Variants in DNAH7 observed in about 807,000 individuals in gnomAD.
The protein encoded by DNAH7 is axonemal beta dynein heavy chain 7.
Under a neutral mutation model 444.6 loss-of-function variants are expected in DNAH7, and 397 were observed. That is an observed-to-expected ratio of 0.89 (90% CI 0.82 to 0.97). DNAH7 has a LOEUF of 0.97. DNAH7 is among the 50% of genes least tolerant of loss of function. DNAH7 has a pLI of 0.00. For synonymous variants in DNAH7, 1,636 were observed against 1,624.4 expected (o/e 1.01, Z -0.17); for missense variants, 4,902 against 4,800.8 (o/e 1.02, Z -0.62).
At chr2:195,760,092 C>T (rs1178390370) in intron 61 of DNAH7, among the ~76,000 whole-genome samples, 1 of 152,190 alleles carries the variant, frequency 6.6e-6, no homozygotes, top group East Asian at 1.9e-4. Flanking sequence ...ACCCCTTGGG[C>T]CTTGAGTAAG....
At chr2:195,767,249 G>A (rs1270206853) in intron 61 of DNAH7, among the ~76,000 whole-genome samples, 1 of 151,906 alleles carries the variant, frequency 6.6e-6, no homozygotes, top group Non-Finnish European at 1.5e-5. Flanking sequence ...TTGTGCTTTT[G>A]TTATTCATTA....
chr2:195,812,769 CAT>C (rs1277867449), intron 51 of DNAH7, among the ~76,000 whole-genome samples: 9 of 152,308 alleles, frequency 5.9e-5, no homozygotes, highest in African/African-American at 2.2e-4. Context: ...TTAATAGTCA[CAT>C]GTTTTCTATG....
chr2:196,045,444 T>C (rs1428420896), intron 5 of DNAH7, among the ~76,000 whole-genome samples: 3 of 150,218 alleles, frequency 2.0e-5, no homozygotes, highest in Non-Finnish European at 4.4e-5. Flanking sequence ...AAAAAGAAAA[T>C]GAACCCAGAA....
intron 17 of DNAH7, among the ~76,000 whole-genome samples, chr2:195,967,992 A>G (rs1322188009): frequency 1.3e-5 from 2 of 152,080 alleles, no homozygotes; most frequent in Non-Finnish European, 2.9e-5. Context: ...TGCTGCTGCC[A>G]CCACTGGCCC....
Position 195,928,030 on chromosome 2 carries a change from A to ATATTGCACCAAGGTAGTGG in DNAH7, c.3472-1465_3472-1464insCCACTACCTTGGTGCAATA, listed in dbSNP as rs1280141487. ...ATGGGCATATTGCACCAAGGTAGTG[A>ATATTGCACCAAGGTAGTGG]GCATAGTGCCCAATAGTTAGTTTTT... On this transcript the variant is annotated intron_variant, in intron 21 of 64. Transcript: ENST00000312428. Among the ~76,000 whole-genome samples the ATATTGCACCAAGGTAGTGG allele has an allele frequency of 1.3e-5, 2 of 152,090 alleles. 1 individual carries two copies. Among genetic ancestry groups the ATATTGCACCAAGGTAGTGG allele is most frequent in the African/African-American group, 4.8e-5 (2 of 41,420 alleles).
intron 51 of DNAH7, among the ~76,000 whole-genome samples, chr2:195,812,697 AAAG>A (rs1351138838): frequency 6.6e-6 from 1 of 152,206 alleles, no homozygotes; most frequent in Non-Finnish European, 1.5e-5. Flanking sequence ...CCCTAAATAA[AAAG>A]AAATGAGAAA....
intron 57 of DNAH7, among the ~76,000 whole-genome samples, chr2:195,791,336 G>A (rs938379023): frequency 1.1e-4 from 17 of 150,566 alleles, no homozygotes; most frequent in African/African-American, 3.2e-4. Flanking sequence ...GCGAGGTGGC[G>A]GGCGCCTGTA....
At chr2:196,025,864 A>G (rs1464720761) in intron 7 of DNAH7, among the ~76,000 whole-genome samples, 1 of 152,084 alleles carries the variant, frequency 6.6e-6, no homozygotes, top group East Asian at 1.9e-4. Flanking sequence ...AAGCATTATT[A>G]TTTCTCCAAT....
chr2:195,778,072 C>T, intron 58 of DNAH7, 87 bp from the exon 59 acceptor site: 1 of 1,278,522 alleles, frequency 7.8e-7, no homozygotes, highest in Non-Finnish European at 1.0e-6. Flanking sequence ...CTAAATTAAA[C>T]ATCTTACAAA....
Position 195,895,371 on chromosome 2 carries a change from C to T in DNAH7, c.4648-147G>A, listed in dbSNP as rs1559196902. The T allele has an allele frequency of 9.7e-6, 5 of 516,464 alleles. No homozygotes were observed. The East Asian group carries it at 1.4e-4, about 14-fold the overall frequency. The allele number at this position is 516,464 out of a possible 1,614,324, so 32.0% of individuals were successfully genotyped here. A position where few individuals can be genotyped will look rare whatever the true frequency, so the allele number is the denominator to read the frequency against. ...TAGAGGAATAGTTCACATACGCAAA[C>T]GTGTATTTTTTTCTTTTTTTCAATT... On this transcript the variant is annotated intron_variant, in intron 29 of 64. Transcript: ENST00000312428.
intron 63 of DNAH7, among the ~76,000 whole-genome samples, chr2:195,744,307 G>C (rs1559065619): frequency 6.6e-6 from 1 of 152,212 alleles, no homozygotes; most frequent in African/African-American, 2.4e-5. Flanking sequence ...AGTGAGGCTG[G>C]GGGAGGGGCG....
intron 58 of DNAH7, among the ~76,000 whole-genome samples, chr2:195,785,415 C>G (rs564141617): frequency 6.6e-6 from 1 of 151,612 alleles, no homozygotes; most frequent in African/African-American, 2.4e-5. Context: ...TTAGCTAGGA[C>G]TTCTAGTACA....
intron 40 of DNAH7, among the ~76,000 whole-genome samples, 162 bp downstream of exon 40, chr2:195,872,088 T>C (rs1189499234): frequency 6.6e-6 from 1 of 152,122 alleles, no homozygotes; most frequent in African/African-American, 2.4e-5. Flanking sequence ...AATATCTCAG[T>C]GTTAAATATT....
At chr2:195,877,269 C>T (rs1228777379) in intron 36 of DNAH7, among the ~76,000 whole-genome samples, 1 of 152,160 alleles carries the variant, frequency 6.6e-6, no homozygotes, top group African/African-American at 2.4e-5. Flanking sequence ...TTCCCTCCCT[C>T]AAGAGTTCTG....
At chr2:195,997,312 A>G (rs1321365061) in intron 12 of DNAH7, among the ~76,000 whole-genome samples, 1 of 152,036 alleles carries the variant, frequency 6.6e-6, no homozygotes, top group Non-Finnish European at 1.5e-5. Context: ...AGAGATCCGG[A>G]CCCATCCTGG....
At chr2:195,936,877 T>G in intron 19 of DNAH7, 85 bp from the exon 20 acceptor site, 1 of 1,092,370 alleles carries the variant, frequency 9.2e-7, no homozygotes, top group East Asian at 2.9e-5. Context: ...AGATTATATG[T>G]TTGTAATCAA....
chr2:195,831,019 C>T (rs756965223), intron 48 of DNAH7, among the ~76,000 whole-genome samples: 1 of 151,908 alleles, frequency 6.6e-6, no homozygotes, highest in Non-Finnish European at 1.5e-5. Context: ...TGGTTTGTTA[C>T]ATACAAGGGG....
Position 195,948,564 on chromosome 2 carries a change from C to T in DNAH7, c.3078+8697G>A, listed in dbSNP as rs900228800. The stretch of plus-strand genomic sequence containing the variant: ...TAAATAGGGAACGCCTTCCTCATTG[C>T]TTGTTTTTGTCAGGTTTGTCAAAGA... On this transcript the variant is annotated intron_variant, in intron 19 of 64. Coordinates refer to ENST00000312428, the MANE Select transcript of DNAH7 (RefSeq NM_018897.3). Among the ~76,000 whole-genome samples, 7 of 152,142 alleles carry T rather than the reference C, an allele frequency of 4.6e-5. No homozygotes were observed. The East Asian group carries it at 1.3e-3, about 29-fold the overall frequency.
intron 12 of DNAH7, among the ~76,000 whole-genome samples, chr2:195,990,020 T>C (rs1693195470): frequency 6.6e-6 from 1 of 152,250 alleles, no homozygotes; most frequent in Non-Finnish European, 1.5e-5. Context: ...GCAAATTTTT[T>C]ATCCCATTAT....
Sources: allele counts gnomAD v4.1 joint callset (sites outside exome capture counted in the v4.1 genomes callset), GRCh38; gene constraint gnomAD v4.1.1; transcripts MANE v1.5; gene names NCBI Gene and HGNC (gene_info 2026-07-23, HGNC 2026-07-21).